AGBL1: variants seen among roughly 807,000 people sequenced by gnomAD.
AGBL1 encodes AGBL carboxypeptidase 1, also known as cytosolic carboxypeptidase 4.
A neutral mutation model predicts 118.9 loss-of-function variants in AGBL1; 130 were observed. That is an observed-to-expected ratio of 1.09 (90% CI 0.95 to 1.26). The LOEUF (loss-of-function observed/expected upper bound fraction) is 1.26, where lower values mean the gene tolerates loss of function less well. AGBL1 is among the 50% of genes most tolerant of loss of function. The pLI, the probability that AGBL1 is intolerant of heterozygous loss-of-function variation, is 0.00. For missense variants in AGBL1, 1,584 were observed against 1,298.1 expected, an observed-to-expected ratio of 1.22 and a Z score of -3.38; for synonymous variants, 555 against 478.9, an observed-to-expected ratio of 1.16 and a Z score of -2.08.
At chr15:86,923,550 T>C (rs534522318) in intron 23 of AGBL1, among the ~76,000 whole-genome samples, 1 of 152,368 alleles carries the variant, frequency 6.6e-6, no homozygotes, top group African/African-American at 2.4e-5. Context: ...CATGAACGCT[T>C]AAAGCATTTA....
At chr15:86,437,569 G>A (rs540532000) in intron 18 of AGBL1, among the ~76,000 whole-genome samples, 100 of 152,166 alleles carry the variant, frequency 6.6e-4, no homozygotes, top group African/African-American at 2.2e-3. Context: ...ACTCAGCTGG[G>A]TCCCGCCACC....
intron 22 of AGBL1, among the ~76,000 whole-genome samples, chr15:86,734,412 C>A (rs2077565251): frequency 6.6e-6 from 1 of 152,044 alleles, no homozygotes; most frequent in Non-Finnish European, 1.5e-5. Flanking sequence ...ACAAGGAGAT[C>A]TTCACTTGGA....
At chr15:86,108,459 T>G (rs970765612) in intron 1 of AGBL1, among the ~76,000 whole-genome samples, 3 of 152,192 alleles carry the variant, frequency 2.0e-5, no homozygotes, top group Non-Finnish European at 4.4e-5. Context: ...TGCCAGAATA[T>G]AGGAGATTAG....
chr15:86,462,824 T>C (rs551358335), intron 18 of AGBL1, among the ~76,000 whole-genome samples: 1 of 152,210 alleles, frequency 6.6e-6, no homozygotes, highest in Non-Finnish European at 1.5e-5. Flanking sequence ...TTTCACATTT[T>C]CTTTATCCAG....
chr15:86,171,575 G>C lies in AGBL1; in HGVS notation c.488+12549G>C, dbSNP rs113998617. ...AAAGAAGCCAGGAAAAGAGAAAAAG[G>C]TAGTTGAAGGACAGGTGTCACAAAT... On this transcript the variant is annotated intron_variant, in intron 5 of 22. Coordinates refer to ENST00000614907, the MANE Select transcript of AGBL1 (RefSeq NM_001386094.1). Among the ~76,000 whole-genome samples, 1,458 of 152,224 alleles carry C rather than the reference G, an allele frequency of 9.6e-3. 29 individuals are homozygous for C. Among genetic ancestry groups the C allele is most frequent in the African/African-American group, 0.034 (1,405 of 41,520 alleles).
At chr15:86,286,518 A>G (rs775838849) in intron 16 of AGBL1, among the ~76,000 whole-genome samples, 41 of 151,444 alleles carry the variant, frequency 2.7e-4, no homozygotes, top group Non-Finnish European at 4.6e-4. Flanking sequence ...CTCTGTTTCT[A>G]TGAGTTTGAC....
chr15:86,545,506 A>C, intron 19 of AGBL1, among the ~76,000 whole-genome samples: 1 of 152,030 alleles, frequency 6.6e-6, no homozygotes, highest in East Asian at 1.9e-4. Context: ...CCCCGGTATT[A>C]AGCCTAGTAC....
intron 3 of AGBL1, among the ~76,000 whole-genome samples, chr15:86,145,029 G>C (rs868053589): frequency 6.6e-6 from 1 of 152,066 alleles, no homozygotes; most frequent in Non-Finnish European, 1.5e-5. Flanking sequence ...GAAATCCTTG[G>C]TGTTTCTTGG....
intron 22 of AGBL1, among the ~76,000 whole-genome samples, chr15:86,722,143 T>A (rs553540837): frequency 6.6e-6 from 1 of 152,176 alleles, no homozygotes; most frequent in African/African-American, 2.4e-5. Context: ...CTTCACAGAA[T>A]TGGAAAAAAC....
At position 86,210,472 on chromosome 15, in the gene AGBL1, C is replaced by G. The variant is rs547347424; in HGVS notation, c.489-14442C>G. ...TACACCAATCAAATGTATATTTGGT[C>G]TTTCCCATAGTCCCATATTTCTTGG... is the stretch of plus-strand genomic sequence containing the variant. On this transcript the variant is annotated intron_variant, in intron 5 of 22. Transcript: ENST00000614907. Among the ~76,000 whole-genome samples the G allele has an allele frequency of 4.4e-4, 67 of 152,262 alleles. 1 individual carries two copies. In the South Asian group the frequency reaches 0.013, roughly 31 times the overall value.
intron 1 of AGBL1, among the ~76,000 whole-genome samples, chr15:86,084,931 G>T (rs886985239): frequency 3.9e-5 from 6 of 152,152 alleles, no homozygotes; most frequent in African/African-American, 1.4e-4. Context: ...GAAGAGATGT[G>T]TAAAAATGAG....
intron 1 of AGBL1, among the ~76,000 whole-genome samples, chr15:86,131,495 G>A (rs1188057968): frequency 1.3e-5 from 2 of 151,966 alleles, no homozygotes; most frequent in African/African-American, 4.8e-5. Flanking sequence ...TAGTAAGAAA[G>A]TTTATGTTTG....
At chr15:87,017,298 G>A (rs1015436522) in intron 24 of AGBL1, among the ~76,000 whole-genome samples, 1 of 152,110 alleles carries the variant, frequency 6.6e-6, no homozygotes, top group Non-Finnish European at 1.5e-5. Flanking sequence ...CTGCTTCTTG[G>A]AGCAGGTCCC....
At chr15:86,092,451 T>A (rs148584953) in intron 1 of AGBL1, among the ~76,000 whole-genome samples, 1 of 152,222 alleles carries the variant, frequency 6.6e-6, no homozygotes, top group Admixed American at 6.5e-5. Context: ...CCACTGAACT[T>A]TAGATAATTA....
intron 21 of AGBL1, among the ~76,000 whole-genome samples, chr15:86,663,750 C>T (rs1435971844): frequency 6.6e-6 from 1 of 152,080 alleles, no homozygotes; most frequent in Admixed American, 6.6e-5. Context: ...AAGTATAAAG[C>T]CTCTGTTGAA....
At chr15:86,969,673 G>A (rs12440417) in intron 23 of AGBL1, among the ~76,000 whole-genome samples, 1 of 151,980 alleles carries the variant, frequency 6.6e-6, no homozygotes, top group African/African-American at 2.4e-5. Flanking sequence ...GTGGATATAA[G>A]GGTAGATGTA....
intron 18 of AGBL1, among the ~76,000 whole-genome samples, chr15:86,415,958 T>C (rs191981261): frequency 7.2e-5 from 11 of 152,354 alleles, no homozygotes; most frequent in African/African-American, 2.4e-4. Context: ...CTATATGTCA[T>C]AGTATTTTCA....
intron 22 of AGBL1, among the ~76,000 whole-genome samples, chr15:86,889,657 TG>T (rs1282304908): frequency 6.6e-6 from 1 of 152,178 alleles, no homozygotes; most frequent in Non-Finnish European, 1.5e-5. Context: ...TTTGGTTTTC[TG>T]TTCCTGTATT....
chr15:86,964,371 C>A (rs2081027940), intron 23 of AGBL1, among the ~76,000 whole-genome samples: 1 of 151,850 alleles, frequency 6.6e-6, no homozygotes, highest in South Asian at 2.1e-4. Flanking sequence ...CTGATTGCTA[C>A]CCACTAGATG....
Sources: gnomAD v4.1 joint callset for allele counts (sites outside exome capture counted in the v4.1 genomes callset) on GRCh38, gnomAD v4.1.1 for gene constraint, MANE v1.5 for transcripts, NCBI Gene and HGNC (gene_info 2026-07-23, HGNC 2026-07-21) for gene names.